MYLK: variants seen among roughly 807,000 people sequenced by gnomAD.
The protein encoded by MYLK is myosin light chain kinase, smooth muscle.
Under a neutral mutation model 203.4 loss-of-function variants are expected in MYLK, and 106 were observed. That is an observed-to-expected ratio of 0.52 (90% CI 0.45 to 0.61). MYLK has a LOEUF of 0.61. Among genes scored for constraint, MYLK ranks in the 20% least tolerant of loss-of-function variants. The pLI is 0.00. For synonymous variants in MYLK, 867 were observed against 959.5 expected (o/e 0.90, Z 1.78); for missense variants, 2,072 against 2,442.3 (o/e 0.85, Z 3.20).
rs58573501 is a variant in MYLK, at chr3:123,648,758, G to A, written c.4415+213C>T. The stretch of plus-strand genomic sequence containing the variant: ...ACTTGCCCACAGCCTTTGCAGAGTT[G>A]GGGCAGTGTAGGACCGCATGGGCAA... On this transcript the variant is annotated intron_variant, in intron 26 of 33. Coordinates refer to ENST00000360304, the MANE Select transcript of MYLK (RefSeq NM_053025.4). This position sits in a 1 kb window ranked among gnomAD's most constrained non-coding sequence, Gnocchi z 4.5. 0.099 allele frequency among the ~76,000 whole-genome samples: 15,020 copies of A among 152,108 alleles called. 1,701 individuals are homozygous for A. Among genetic ancestry groups the A allele is most frequent in the East Asian group, 0.35 (1,780 of 5,134 alleles).
At chr3:123,620,404 T>C (rs2057789664) in intron 31 of MYLK, 68 bp from the exon 32 acceptor site, 4 of 1,610,522 alleles carry the variant, frequency 2.5e-6, no homozygotes, top group Non-Finnish European at 3.4e-6. Context: ...TGCGAGGGGC[T>C]GCAGGGAGTA....
chr3:123,682,457 A>C (rs894480303), intron 19 of MYLK, 147 bp from the exon 20 acceptor site: 1 of 702,536 alleles, frequency 1.4e-6, no homozygotes, highest in African/African-American at 1.8e-5. Context: ...GCCTGTGTCC[A>C]GGCAACCTAT....
intron 3 of MYLK, among the ~76,000 whole-genome samples, chr3:123,827,743 A>ATATATATG (rs2066177553): frequency 8.6e-6 from 1 of 116,114 alleles, no homozygotes; most frequent in African/African-American, 3.3e-5. Context: ...ATATATATAT[A>ATATATATG]TATATAAAGA....
chr3:123,708,705 C>T lies in MYLK; in HGVS notation c.2133G>A (p.Thr711=), dbSNP rs150537500. Residue 711 remains threonine, a synonymous_variant, in exon 15 of 34, where the codon ACG becomes ACA. Coordinates refer to ENST00000360304, the MANE Select transcript of MYLK (RefSeq NM_053025.4). The part of the protein sequence containing the change: ...AGEVRTQAVL[T]VQEPHDGTQP... ...TGAGTGGGTCAGCCTCACCTTGTAC[C>T]GTGAGCACGGCCTGGGTGCGGACCT... The T allele has an allele frequency of 7.5e-5, 121 of 1,614,064 alleles. 1 individual carries two copies. Among genetic ancestry groups the T allele is most frequent in the African/African-American group, 3.3e-4 (25 of 75,058 alleles).
At chr3:123,787,926 C>T (rs919838781) in intron 4 of MYLK, among the ~76,000 whole-genome samples, 1 of 152,118 alleles carries the variant, frequency 6.6e-6, no homozygotes. Flanking sequence ...CTGTGTGGGC[C>T]AAGGGAGCAG....
At chr3:123,798,832 G>C (rs1245456813) in intron 3 of MYLK, among the ~76,000 whole-genome samples, 1 of 152,082 alleles carries the variant, frequency 6.6e-6, no homozygotes, top group Non-Finnish European at 1.5e-5. Context: ...AGCATAAACA[G>C]ATCTCTGCCA....
At chr3:123,619,644 G>T (rs1353371677) in intron 32 of MYLK, among the ~76,000 whole-genome samples, 1 of 152,232 alleles carries the variant, frequency 6.6e-6, no homozygotes, top group African/African-American at 2.4e-5. Context: ...CAGCATCTAA[G>T]ATGGTGAGCA....
At chr3:123,793,341 A>G (rs2064856675) in intron 4 of MYLK, among the ~76,000 whole-genome samples, 1 of 152,204 alleles carries the variant, frequency 6.6e-6, no homozygotes, top group African/African-American at 2.4e-5. Flanking sequence ...ATTTGAGGAC[A>G]TATATAAACC....
chr3:123,652,002 T>C lies in MYLK; in HGVS notation c.4289-2808A>G, dbSNP rs565865594. On this transcript the variant is annotated intron_variant, in intron 24 of 33. Transcript: ENST00000360304. ...TGGCAAGTGCCTGTAGTCCCAGCTATTCGGGAGGCTGAGGCGGGAGGAATG... is the reference window on the plus strand; with the variant it reads ...TGGCAAGTGCCTGTAGTCCCAGCTACTCGGGAGGCTGAGGCGGGAGGAATG... 2.0e-5 allele frequency among the ~76,000 whole-genome samples: 3 copies of C among 152,298 alleles called. No individual in the cohort carries two copies. In the South Asian group the frequency reaches 6.2e-4, roughly 32 times the overall value.
At chr3:123,822,032 TA>T (rs35713614) in intron 3 of MYLK, among the ~76,000 whole-genome samples, 1 of 152,046 alleles carries the variant, frequency 6.6e-6, no homozygotes, top group South Asian at 2.1e-4. Flanking sequence ...GTTTCTTATT[TA>T]AAAAAAAGTC....
rs552462177 is a variant in MYLK, at chr3:123,740,469, C to T, written c.374-468G>A. Among the ~76,000 whole-genome samples the T allele has an allele frequency of 1.2e-4, 19 of 152,368 alleles. 1 individual carries two copies. The South Asian group carries it at 2.9e-3, about 23-fold the overall frequency. On this transcript the variant is annotated intron_variant, in intron 5 of 33. Transcript: ENST00000360304. ...AAAGGCCCATGCCTATCTCTTACCA[C>T]ACCTACTCTTGACTGACACAATCAA...
chr3:123,880,215 G>A (rs886945012), intron 1 of MYLK, among the ~76,000 whole-genome samples: 5 of 152,162 alleles, frequency 3.3e-5, no homozygotes, highest in African/African-American at 1.2e-4. Flanking sequence ...GCCAGTAAGT[G>A]AATGGGATGG....
intron 3 of MYLK, among the ~76,000 whole-genome samples, chr3:123,808,517 A>C (rs2065447422): frequency 6.6e-6 from 1 of 152,212 alleles, no homozygotes; most frequent in Admixed American, 6.5e-5. Flanking sequence ...AGTAGATTTT[A>C]CAAATAAATA....
At chr3:123,823,842 C>T (rs936408984) in intron 3 of MYLK, among the ~76,000 whole-genome samples, 31 of 152,186 alleles carry the variant, frequency 2.0e-4, no homozygotes, top group African/African-American at 7.5e-4. Flanking sequence ...CACTCACTGG[C>T]CTGCTTTGCT....
At chr3:123,756,207 C>G (rs1002588351) in intron 4 of MYLK, among the ~76,000 whole-genome samples, 1 of 152,172 alleles carries the variant, frequency 6.6e-6, no homozygotes, top group Non-Finnish European at 1.5e-5. Flanking sequence ...TCTGTAGAAC[C>G]AAAAGTATTC....
At chr3:123,678,175 T>C (rs2060139693) in intron 20 of MYLK, among the ~76,000 whole-genome samples, 1 of 151,934 alleles carries the variant, frequency 6.6e-6, no homozygotes, top group Non-Finnish European at 1.5e-5. Flanking sequence ...AGGCACTCGG[T>C]AGACTCTGAT....
intron 4 of MYLK, among the ~76,000 whole-genome samples, chr3:123,775,556 G>A (rs982610333): frequency 7.9e-5 from 12 of 152,144 alleles, no homozygotes; most frequent in Non-Finnish European, 1.5e-4. Context: ...CTCTATTAGG[G>A]GAGACAGTAT....
chr3:123,653,989 T>G (rs2720316), intron 24 of MYLK, among the ~76,000 whole-genome samples: 135 of 97,920 alleles, frequency 1.4e-3, no homozygotes, highest in African/African-American at 5.2e-3. Flanking sequence ...AGGGATGTTG[T>G]GTGTGTGTGT....
intron 23 of MYLK, among the ~76,000 whole-genome samples, chr3:123,658,048 C>T (rs748879615): frequency 6.6e-6 from 1 of 152,248 alleles, no homozygotes; most frequent in African/African-American, 2.4e-5. Flanking sequence ...TGAATAACAA[C>T]AGCACTTGTA....
Sources: gnomAD v4.1 joint callset for allele counts (sites outside exome capture counted in the v4.1 genomes callset) on GRCh38, gnomAD v4.1.1 for gene constraint, Gnocchi (gnomAD v3.1) non-coding constraint, MANE v1.5 for transcripts, NCBI Gene and HGNC (gene_info 2026-07-23, HGNC 2026-07-21) for gene names.